BTRC: variants seen among roughly 807,000 people sequenced by gnomAD.
BTRC encodes beta-transducin repeat containing E3 ubiquitin protein ligase.
A neutral mutation model predicts 85.5 loss-of-function variants in BTRC; 42 were observed. The observed-to-expected ratio is 0.49, with a 90% CI of 0.38 to 0.64. The LOEUF (loss-of-function observed/expected upper bound fraction) is 0.64, where lower values mean the gene tolerates loss of function less well. Ranked by LOEUF, BTRC falls within the 30% of genes least tolerant of loss-of-function variation. BTRC has a pLI of 0.00. For missense variants in BTRC, 594 were observed against 743.5 expected (o/e 0.80, Z 2.34); for synonymous variants, 255 against 263.3 (o/e 0.97, Z 0.30).
At chr10:101,404,472 T>A (rs1458606692) in intron 1 of BTRC, among the ~76,000 whole-genome samples, 1 of 152,220 alleles carries the variant, frequency 6.6e-6, no homozygotes, top group African/African-American at 2.4e-5. Flanking sequence ...TTGGCTTTTT[T>A]AATATTATGC....
intron 1 of BTRC, among the ~76,000 whole-genome samples, chr10:101,397,604 A>T (rs756230948): frequency 6.6e-6 from 1 of 152,216 alleles, no homozygotes; most frequent in African/African-American, 2.4e-5. Context: ...TTTTTTTGGT[A>T]GCAAATTTAG....
chr10:101,550,283 T>C (rs993188702), intron 13 of BTRC, among the ~76,000 whole-genome samples: 10 of 152,136 alleles, frequency 6.6e-5, no homozygotes, highest in Admixed American at 1.3e-4. Context: ...AATTTATTTA[T>C]TTTTATTTTA....
chr10:101,461,780 C>G (rs919980833), intron 2 of BTRC, among the ~76,000 whole-genome samples: 1 of 152,152 alleles, frequency 6.6e-6, no homozygotes, highest in East Asian at 1.9e-4. Flanking sequence ...CATCTAAATC[C>G]TTACATAATT....
intron 2 of BTRC, among the ~76,000 whole-genome samples, chr10:101,446,853 AG>A (rs1944839395): frequency 6.6e-6 from 1 of 152,160 alleles, no homozygotes; most frequent in South Asian, 2.1e-4. Context: ...TATCCCCCAA[AG>A]ATCTAAACCA....
chr10:101,430,677 A>G (rs538090861), intron 2 of BTRC, among the ~76,000 whole-genome samples: 3 of 152,356 alleles, frequency 2.0e-5, no homozygotes, highest in South Asian at 2.1e-4. Context: ...AAAAATTGAC[A>G]TAGTACAGCT....
intron 4 of BTRC, among the ~76,000 whole-genome samples, chr10:101,489,477 A>C (rs1946074375): frequency 6.6e-6 from 1 of 152,114 alleles, no homozygotes; most frequent in Admixed American, 6.6e-5. Flanking sequence ...ACAGTTTCAA[A>C]AGCCTAGGTT....
At chr10:101,389,610 CTTTTTTTTTTTTTT>C (rs34480405) in intron 1 of BTRC, among the ~76,000 whole-genome samples, 1 of 62,544 alleles carries the variant, frequency 1.6e-5, no homozygotes, top group South Asian at 8.9e-4. Flanking sequence ...TGCCAAACAC[CTTTTTTTTTTTTTT>C]TTTTTTTTTT....
chr10:101,413,969 T>C (rs560198325), intron 1 of BTRC, among the ~76,000 whole-genome samples: 1 of 152,346 alleles, frequency 6.6e-6, no homozygotes, highest in East Asian at 1.9e-4. Flanking sequence ...TGTTTTTAAC[T>C]GTGTTAATAT....
At chr10:101,444,996 G>A in intron 2 of BTRC, among the ~76,000 whole-genome samples, 1 of 152,190 alleles carries the variant, frequency 6.6e-6, no homozygotes, top group East Asian at 1.9e-4. Context: ...ATTACACAAT[G>A]AATGGGGCAG....
chr10:101,480,944 G>A (rs1163645014), intron 4 of BTRC, among the ~76,000 whole-genome samples: 4 of 152,130 alleles, frequency 2.6e-5, no homozygotes, highest in Non-Finnish European at 4.4e-5. Context: ...TAGAGACAGA[G>A]TCTTGCTCTG....
chr10:101,544,093 T>A (rs2062520182), intron 13 of BTRC, among the ~76,000 whole-genome samples: 1 of 152,108 alleles, frequency 6.6e-6, no homozygotes, highest in Non-Finnish European at 1.5e-5. Flanking sequence ...GTAGTTTTAA[T>A]AGAGATGGGA....
chr10:101,531,002 A>T (rs112559738), intron 6 of BTRC, among the ~76,000 whole-genome samples: 4,294 of 152,264 alleles, frequency 0.028, 89 homozygotes, highest in Non-Finnish European at 0.042. Context: ...GTGAAACCCC[A>T]TCTCTACTAA....
At chr10:101,389,610 CTTTTTTTTTTTT>C (rs34480405) in intron 1 of BTRC, among the ~76,000 whole-genome samples, 2 of 62,520 alleles carry the variant, frequency 3.2e-5, no homozygotes, top group East Asian at 5.9e-4. Flanking sequence ...TGCCAAACAC[CTTTTTTTTTTTT>C]TTTTTTTTTT....
rs76257620 is a variant in BTRC at position 101,426,253 on chromosome 10, T to A, written c.49-4092T>A. On this transcript the variant is annotated intron_variant, in intron 1 of 14. Coordinates refer to ENST00000370187, the MANE Select transcript of BTRC (RefSeq NM_033637.4). ...GTGGCATTTACCAGTATAGATAAGATTAATTGTTACAAAACAAACCAATTT... is the reference window on the plus strand; with the variant it reads ...GTGGCATTTACCAGTATAGATAAGAATAATTGTTACAAAACAAACCAATTT... 3.4e-3 allele frequency among the ~76,000 whole-genome samples: 523 copies of A among 152,320 alleles called. 10 individuals are homozygous for A. In the East Asian group the frequency reaches 0.053, roughly 15 times the overall value.
At chr10:101,549,822 A>G (rs749284575) in intron 13 of BTRC, among the ~76,000 whole-genome samples, 1 of 151,382 alleles carries the variant, frequency 6.6e-6, no homozygotes, top group Non-Finnish European at 1.5e-5. Context: ...AACATTCTAC[A>G]TCTTCATCAG....
At chr10:101,538,199 A>G (rs1300797708) in intron 12 of BTRC, 94 bp from the exon 13 acceptor site, 2 of 1,007,106 alleles carry the variant, frequency 2.0e-6, no homozygotes, top group Non-Finnish European at 3.2e-6. Context: ...TATACTCACC[A>G]TCCATATTTA....
At chr10:101,506,653 A>C (rs1323370193) in intron 4 of BTRC, among the ~76,000 whole-genome samples, 1 of 152,214 alleles carries the variant, frequency 6.6e-6, no homozygotes, top group Non-Finnish European at 1.5e-5. Context: ...CCAAGCTCAG[A>C]TTCAAAATTG....
intron 13 of BTRC, among the ~76,000 whole-genome samples, chr10:101,541,383 C>T (rs1269013315): frequency 2.0e-5 from 3 of 152,070 alleles, no homozygotes; most frequent in African/African-American, 7.2e-5. Context: ...CCTCAGCTTC[C>T]TGAGTAGCTG....
intron 13 of BTRC, among the ~76,000 whole-genome samples, chr10:101,548,154 CAT>C (rs1452550733): frequency 6.6e-6 from 1 of 152,176 alleles, no homozygotes; most frequent in Non-Finnish European, 1.5e-5. Flanking sequence ...TATAAATTGG[CAT>C]GACTTTTAAA....
Sources: allele counts gnomAD v4.1 joint callset (sites outside exome capture counted in the v4.1 genomes callset), GRCh38; gene constraint gnomAD v4.1.1; transcripts MANE v1.5; gene names NCBI Gene and HGNC (gene_info 2026-07-23, HGNC 2026-07-21).